The following TPO variants were observed in gnomAD, a reference collection of about 807,000 sequenced individuals.
TPO encodes the protein thyroid microsomal antigen.
In TPO, 78 loss-of-function variants were observed where a neutral mutation model predicts 96.9. That is an observed-to-expected ratio of 0.81 (90% confidence interval 0.67 to 0.97). The LOEUF is 0.97. Among genes scored for constraint, TPO ranks in the 50% least tolerant of loss-of-function variants. The pLI, the probability that TPO is intolerant of heterozygous loss-of-function variation, is 0.00. For missense variants in TPO, 1,252 were observed against 1,274.8 expected (o/e 0.98, Z 0.27); for synonymous variants, 547 against 538.0 (o/e 1.02, Z -0.23).
chr2:1,486,378 A>G (rs1464320508), intron 9 of TPO, among the ~76,000 whole-genome samples: 1 of 151,894 alleles, frequency 6.6e-6, no homozygotes, highest in African/African-American at 2.4e-5. Context: ...AAAATAAACA[A>G]ACAAAAAACA....
chr2:1,531,366 CTCCCGA>C (rs1678189116), intron 15 of TPO, among the ~76,000 whole-genome samples: 3 of 88,284 alleles, frequency 3.4e-5, no homozygotes, highest in Non-Finnish European at 6.5e-5. Flanking sequence ...TCCCCAAATC[CTCCCGA>C]CTCTGTGCAA....
chr2:1,386,223 A>G (rs1164930759), intron 1 of TPO, among the ~76,000 whole-genome samples: 1 of 152,184 alleles, frequency 6.6e-6, no homozygotes, highest in African/African-American at 2.4e-5. Flanking sequence ...ATAGATGTCT[A>G]TTAGGTCCAC....
chr2:1,414,634 A>G (rs1662700746), intron 2 of TPO, 132 bp downstream of exon 2: 1 of 729,604 alleles, frequency 1.4e-6, no homozygotes, highest in Non-Finnish European at 2.3e-6. Flanking sequence ...TATGCTTAAG[A>G]AAAAAAAATT....
chr2:1,466,621 A>C (rs1668922551), intron 7 of TPO, among the ~76,000 whole-genome samples: 1 of 152,136 alleles, frequency 6.6e-6, no homozygotes, highest in Admixed American at 6.5e-5. Context: ...GGAGGGTTAT[A>C]TCTTTCCAGG....
At chr2:1,535,242 A>ACCCCACTCTGTGCAACCTCCCCAAATCCC (rs1679333227) in intron 15 of TPO, among the ~76,000 whole-genome samples, 1 of 26,964 alleles carries the variant, frequency 3.7e-5, no homozygotes, top group Non-Finnish European at 7.6e-5. Context: ...CCCCAAATCC[A>ACCCCACTCTGTGCAACCTCCCCAAATCCC]CCCCACTCTG....
chr2:1,444,132 T>A lies in TPO; in HGVS notation c.482+7748T>A, dbSNP rs540473398. ...GCTCCTTCTTGTTTGTATGATCCAG[T>A]CACTGCTGCGGGAGGCACCATGTTG... On this transcript the variant is annotated intron_variant, in intron 5 of 16. Coordinates refer to ENST00000329066, the MANE Select transcript of TPO (RefSeq NM_001206744.2). 1.4e-4 allele frequency among the ~76,000 whole-genome samples: 19 copies of A among 137,920 alleles called. No individual in the cohort carries two copies. The South Asian group carries it at 2.2e-3, about 16-fold the overall frequency. 90.5% of individuals were successfully genotyped at this position (137,920 alleles called of 152,430 possible).
chr2:1,434,100 C>A (rs568700047), intron 4 of TPO, among the ~76,000 whole-genome samples: 2 of 152,266 alleles, frequency 1.3e-5, no homozygotes, highest in East Asian at 1.9e-4. Context: ...GCACTGCTCA[C>A]TCCAATGGCT....
At position 1,477,120 on chromosome 2, in the gene TPO, C is replaced by G. The variant is rs143865793; in HGVS notation, c.854C>G (p.Ala285Gly). ...PEEARPAAGT[A>G]CLPFYRSSAA... ...GAGGCCCGGCCGGCCGCGGGCACCG[C>G]CTGTCTGCCCTTCTACCGCTCTTCG... is the stretch of plus-strand genomic sequence containing the variant. Residue 285 changes from alanine to glycine, a missense_variant, in exon 8 of 17, where the codon GCC (alanine) becomes GGC (glycine). Physicochemically the swap from Ala to Gly is moderately conservative, Grantham distance 60 (BLOSUM62 0). Transcript: ENST00000329066. 1 of 1,608,790 alleles carries G rather than the reference C, an allele frequency of 6.2e-7. No homozygotes were observed. The highest frequency in any genetic ancestry group is 1.7e-5 in the Admixed American group (1 of 59,886).
chr2:1,432,595 G>GA (rs1157193819), intron 3 of TPO, among the ~76,000 whole-genome samples: 2 of 135,776 alleles, frequency 1.5e-5, no homozygotes, highest in African/African-American at 5.6e-5. Flanking sequence ...GCCTGCAGGT[G>GA]GGGTGAGGCC....
intron 1 of TPO, among the ~76,000 whole-genome samples, chr2:1,388,335 C>T (rs1661937436): frequency 6.6e-6 from 1 of 152,234 alleles, no homozygotes; most frequent in Non-Finnish European, 1.5e-5. Flanking sequence ...AGGCAGGCCT[C>T]CTTGAGCTGT....
chr2:1,388,241 A>G (rs745955957), intron 1 of TPO, among the ~76,000 whole-genome samples: 1 of 152,236 alleles, frequency 6.6e-6, no homozygotes, highest in African/African-American at 2.4e-5. Flanking sequence ...CAAACCTGTC[A>G]GACAGGGACA....
chr2:1,492,844 C>A (rs932762726), intron 10 of TPO, among the ~76,000 whole-genome samples: 2 of 152,146 alleles, frequency 1.3e-5, no homozygotes, highest in African/African-American at 4.8e-5. Context: ...GAGACAGTAG[C>A]AGAGGCCCTG....
At chr2:1,386,662 T>C (rs1037783942) in intron 1 of TPO, among the ~76,000 whole-genome samples, 6 of 152,226 alleles carry the variant, frequency 3.9e-5, no homozygotes, top group African/African-American at 1.2e-4. Flanking sequence ...TGACTCTTTA[T>C]CCAATTTGCC....
At chr2:1,474,194 GGTAA>G (rs1414800994) in intron 7 of TPO, among the ~76,000 whole-genome samples, 1 of 152,130 alleles carries the variant, frequency 6.6e-6, no homozygotes, top group African/African-American at 2.4e-5. Flanking sequence ...AACCAGGAAT[GGTAA>G]GTAATAGTAA....
chr2:1,541,259 C>T, intron 16 of TPO: 2 of 1,039,036 alleles, frequency 1.9e-6, no homozygotes, highest in South Asian at 6.2e-5. Flanking sequence ...TGGTCACAGG[C>T]ACAAAGTCTC....
intron 6 of TPO, 36 bp from the exon 7 acceptor site, chr2:1,456,040 C>T: frequency 1.2e-6 from 2 of 1,603,186 alleles, no homozygotes; most frequent in South Asian, 1.1e-5. Context: ...CCACAGGGTC[C>T]TCCTATGTCC....
chr2:1,428,021 TC>T (rs1664604756), intron 3 of TPO, among the ~76,000 whole-genome samples: 1 of 152,186 alleles, frequency 6.6e-6, no homozygotes, highest in African/African-American at 2.4e-5. Context: ...TCCAGAGAAT[TC>T]GTGGGAACAT....
In TPO at chr2:1,535,806, C is replaced by T. The variant is rs572168271; in HGVS notation, c.2619-4788C>T. Among the ~76,000 whole-genome samples the T allele has an allele frequency of 6.9e-4, 68 of 99,042 alleles. 11 individuals carry two copies. Among genetic ancestry groups the T allele is most frequent in the Admixed American group, 3.7e-3 (30 of 8,208 alleles). 65.0% of individuals were successfully genotyped at this position (99,042 alleles called of 152,430 possible). A position where few individuals can be genotyped will look rare whatever the true frequency, so the allele number is the denominator to read the frequency against. ...ACTCTGTGCAACCTCCGCCATCCCT[C>T]CCACTGTGTGCAACCTGCTCAAATC... is the stretch of plus-strand genomic sequence containing the variant. On this transcript the variant is annotated intron_variant, in intron 15 of 16. Coordinates refer to ENST00000329066, the MANE Select transcript of TPO (RefSeq NM_001206744.2).
At chr2:1,412,243 T>A (rs2148392266), upstream of TPO, among the ~76,000 whole-genome samples, 1 of 152,352 alleles carries the variant, frequency 6.6e-6, no homozygotes, top group East Asian at 1.9e-4. Flanking sequence ...CATGAGATTT[T>A]CACTTGCTTA....
Sources: gnomAD v4.1 joint callset for allele counts (sites outside exome capture counted in the v4.1 genomes callset) on GRCh38, gnomAD v4.1.1 for gene constraint, MANE v1.5 for transcripts, NCBI Gene and HGNC (gene_info 2026-07-23, HGNC 2026-07-21) for gene names.